Variants in GALNT9 observed in about 807,000 individuals in gnomAD.
The protein encoded by GALNT9 is GalNAc transferase 9.
GALNT9 carries 47 observed loss-of-function variants against 63.1 expected under a neutral mutation model. That is an observed-to-expected ratio of 0.75 (90% confidence interval 0.59 to 0.95). The LOEUF (loss-of-function observed/expected upper bound fraction) is 0.95. GALNT9 is among the 40% of genes least tolerant of loss of function. The pLI is 0.00. For missense variants in GALNT9, 829 were observed against 874.8 expected (o/e 0.95, Z 0.66); for synonymous variants, 396 against 365.7 (o/e 1.08, Z -0.94).
intron 4 of GALNT9, among the ~76,000 whole-genome samples, chr12:132,259,012 G>C (rs1164690182): frequency 2.0e-5 from 3 of 152,236 alleles, no homozygotes; most frequent in Non-Finnish European, 4.4e-5. Flanking sequence ...AGACCACACG[G>C]CTGTCTTCAC....
At chr12:132,275,090 T>C (rs574949265) in intron 2 of GALNT9, 1 of 152,538 alleles carries the variant, frequency 6.6e-6, no homozygotes, top group East Asian at 1.9e-4. Context: ...CAGCCCGGCA[T>C]GCAGGGCATG....
chr12:132,237,161 T>C (rs1374241581), intron 6 of GALNT9, among the ~76,000 whole-genome samples: 1 of 152,130 alleles, frequency 6.6e-6, no homozygotes, highest in African/African-American at 2.4e-5. Flanking sequence ...CCAGGGCTGG[T>C]TGGCTGTGTC....
chr12:132,286,622 G>A lies in GALNT9; in HGVS notation c.239-192C>T, dbSNP rs181333759. On this transcript the variant is annotated intron_variant, in intron 1 of 10. Coordinates refer to ENST00000328957, the MANE Select transcript of GALNT9 (RefSeq NM_001122636.2). This position sits in a 1 kb window ranked among gnomAD's most constrained non-coding sequence, Gnocchi z 7.4. ...AAGGCTGTGCGCGGAGTGAGAGGGC[G>A]GTGCCAGGCGGAAGAGGGAGGGATG... Among the ~76,000 whole-genome samples, 203 of 152,338 alleles carry A rather than the reference G, an allele frequency of 1.3e-3. 1 individual carries two copies. Among genetic ancestry groups the A allele is most frequent in the Admixed American group, 4.4e-3 (67 of 15,312 alleles).
At position 132,245,529 on chromosome 12, in the gene GALNT9, AC is replaced by A. The variant is rs1473668023; in HGVS notation, c.1077+2380del. On this transcript the variant is annotated intron_variant, in intron 6 of 10. Transcript: ENST00000328957. This position sits in a 1 kb window ranked among gnomAD's most constrained non-coding sequence, Gnocchi z 6.3. Reference sequence around the variant, plus strand: ...GGGCCCTCTGTGGTCCGGCACCCACACCCCCAGCCCAGCCTGCTGACCCTCG... The same window carrying A: ...GGGCCCTCTGTGGTCCGGCACCCACACCCCAGCCCAGCCTGCTGACCCTCG... Among the ~76,000 whole-genome samples the A allele has an allele frequency of 3.3e-5, 5 of 149,608 alleles. No individual in the cohort carries two copies. The highest frequency in any genetic ancestry group is 1.3e-4 in the African/African-American group (5 of 39,906).
intron 7 of GALNT9, among the ~76,000 whole-genome samples, chr12:132,201,743 T>C (rs1876141143): frequency 6.6e-6 from 1 of 151,736 alleles, no homozygotes; most frequent in Non-Finnish European, 1.5e-5. Context: ...GAGAATCAAG[T>C]CCTTGGGACC....
At chr12:132,273,077 C>T (rs1297272916) in intron 2 of GALNT9, 1 of 152,312 alleles carries the variant, frequency 6.6e-6, no homozygotes, top group African/African-American at 2.4e-5. Flanking sequence ...AATCACAGTT[C>T]CACTCTGCTG....
intron 1 of GALNT9, among the ~76,000 whole-genome samples, chr12:132,324,317 C>G (rs1163819822): frequency 6.6e-6 from 1 of 152,206 alleles, no homozygotes; most frequent in Admixed American, 6.5e-5. Flanking sequence ...CCGGGCCGAG[C>G]CTGTGCGCCT....
chr12:132,237,935 T>C (rs1364258605), intron 6 of GALNT9, among the ~76,000 whole-genome samples: 1 of 152,128 alleles, frequency 6.6e-6, no homozygotes, highest in East Asian at 1.9e-4. Context: ...CCTGCTGCCC[T>C]CCAGCTTCAG....
chr12:132,307,494 C>T (rs1007079458), intron 1 of GALNT9, among the ~76,000 whole-genome samples: 5 of 152,004 alleles, frequency 3.3e-5, no homozygotes, highest in Admixed American at 6.6e-5. Flanking sequence ...CGGAGAGTGC[C>T]CTTGATCACC....
intron 2 of GALNT9, among the ~76,000 whole-genome samples, chr12:132,272,508 T>C (rs1879908002): frequency 6.6e-6 from 1 of 152,164 alleles, no homozygotes; most frequent in Non-Finnish European, 1.5e-5. Flanking sequence ...CTTTTCTGTG[T>C]TTTCCGCAGG....
At chr12:132,305,443 G>A (rs1475777618) in intron 1 of GALNT9, among the ~76,000 whole-genome samples, 1 of 51,940 alleles carries the variant, frequency 1.9e-5, no homozygotes, top group African/African-American at 1.1e-4. Flanking sequence ...GCACAGAATC[G>A]CCCAGACACA....
chr12:132,268,006 G>A (rs1555240393), intron 2 of GALNT9, among the ~76,000 whole-genome samples: 1 of 138,118 alleles, frequency 7.2e-6, no homozygotes, highest in African/African-American at 2.8e-5. Context: ...CACACACACA[G>A]GCAGATACAC....
chr12:132,323,517 G>A (rs548568528), intron 1 of GALNT9, among the ~76,000 whole-genome samples: 7 of 152,354 alleles, frequency 4.6e-5, no homozygotes, highest in African/African-American at 1.7e-4. Context: ...GTCAGATGGG[G>A]TCAAAATCCC....
chr12:132,314,309 T>C (rs1424037788), intron 1 of GALNT9, among the ~76,000 whole-genome samples: 2 of 151,986 alleles, frequency 1.3e-5, no homozygotes, highest in African/African-American at 2.4e-5. Flanking sequence ...GTTATCTGTC[T>C]GTCCAAATCC....
chr12:132,205,129 C>T (rs1017768903), intron 6 of GALNT9, among the ~76,000 whole-genome samples: 3 of 152,192 alleles, frequency 2.0e-5, no homozygotes, highest in East Asian at 1.9e-4. Context: ...CTGCTCTCAT[C>T]TCCAGGCCGT....
intron 5 of GALNT9, among the ~76,000 whole-genome samples, 163 bp downstream of exon 5, chr12:132,257,513 CGCCCTCGTCCCCG>C (rs1445269750): frequency 8.5e-6 from 1 of 116,970 alleles, no homozygotes; most frequent in African/African-American, 3.4e-5. Context: ...CTCATCCCCA[CGCCCTCGTCCCCG>C]GCCCTCATCC....
At chr12:132,243,493 TG>T in intron 6 of GALNT9, among the ~76,000 whole-genome samples, 1 of 142,312 alleles carries the variant, frequency 7.0e-6, no homozygotes, top group East Asian at 2.2e-4. Context: ...ATCCACTCTT[TG>T]GGGAAACGAA....
At chr12:132,293,169 G>T (rs1048316225) in intron 1 of GALNT9, among the ~76,000 whole-genome samples, 4 of 152,200 alleles carry the variant, frequency 2.6e-5, no homozygotes, top group African/African-American at 7.2e-5. Flanking sequence ...TGAGTGGGGG[G>T]GCTCAGGCAG....
chr12:132,284,657 G>C (rs1880517252), intron 2 of GALNT9: 1 of 152,260 alleles, frequency 6.6e-6, no homozygotes, highest in Admixed American at 6.5e-5. Context: ...CCTCAGCCCT[G>C]TTTGTCTAAA....
Sources: allele counts gnomAD v4.1 joint callset (sites outside exome capture counted in the v4.1 genomes callset), GRCh38; gene constraint gnomAD v4.1.1; non-coding constraint Gnocchi (gnomAD v3.1); transcripts MANE v1.5; gene names NCBI Gene and HGNC (gene_info 2026-07-23, HGNC 2026-07-21).